Variants in THADA observed in about 807,000 individuals in gnomAD.
The protein encoded by THADA is THADA armadillo repeat containing.
Under a neutral mutation model 219.8 loss-of-function variants are expected in THADA, and 213 were observed. The ratio of observed to expected loss-of-function variants is 0.97; its 90% CI spans 0.87 to 1.09. THADA has a LOEUF of 1.09. Ranked by LOEUF, THADA falls within the 50% of genes least tolerant of loss-of-function variation. The pLI, the probability that THADA is intolerant of heterozygous loss-of-function variation, is 0.00. For synonymous variants in THADA, 1,018 were observed against 828.9 expected (o/e 1.23, Z -3.92); for missense variants, 2,956 against 2,311.3 (o/e 1.28, Z -5.72).
chr2:43,430,405 TTTAA>T (rs1679086630), intron 26 of THADA, 103 bp from the exon 27 acceptor site: 11 of 609,094 alleles, frequency 1.8e-5, no homozygotes, highest in Middle Eastern at 3.0e-4. Context: ...TGTTTGGATA[TTTAA>T]TTAAATACAG....
intron 9 of THADA, 72 bp from the exon 10 acceptor site, chr2:43,577,314 C>G: frequency 8.3e-7 from 1 of 1,198,340 alleles, no homozygotes; most frequent in East Asian, 2.6e-5. Context: ...AAATACAAAC[C>G]CAAACATCTC....
chr2:43,305,703 T>A (rs975435228), intron 31 of THADA, among the ~76,000 whole-genome samples: 11 of 152,178 alleles, frequency 7.2e-5, no homozygotes, highest in African/African-American at 2.7e-4. Context: ...AGGATCTGGG[T>A]AGGCTAAAGA....
chr2:43,505,760 A>G, intron 23 of THADA, 25 bp from the exon 24 acceptor site: 1 of 1,504,918 alleles, frequency 6.6e-7, no homozygotes, highest in Non-Finnish European at 9.1e-7. Context: ...TGCAAAAATT[A>G]ACAGGGTTCT....
At chr2:43,331,429 T>G (rs577175301) in intron 30 of THADA, among the ~76,000 whole-genome samples, 6 of 152,296 alleles carry the variant, frequency 3.9e-5, no homozygotes, top group African/African-American at 1.4e-4. Flanking sequence ...TGTAAAGCAT[T>G]TAGTGCATTT....
rs1559002553 is a variant in THADA at position 43,574,646 on chromosome 2, T to C, written c.1419A>G (p.Ile473Met). Reference protein sequence around the residue: ...ECIGVEHILAIDKTIPSQILE... With the variant: ...ECIGVEHILAMDKTIPSQILE... Reference sequence around the variant, plus strand: ...AGATTTGAGATGGAATAGTTTTATCTATAGCCAAAATATGTTCAACTCCTA... The same window carrying C: ...AGATTTGAGATGGAATAGTTTTATCCATAGCCAAAATATGTTCAACTCCTA... Residue 473 changes from isoleucine to methionine, a missense_variant, in exon 11 of 38, where the codon ATA becomes ATG. Ile to Met is a conservative substitution (Grantham distance 10). Transcript: ENST00000405975. 2.5e-6 allele frequency: 4 copies of C among 1,614,008 alleles called. No homozygotes were observed. Among genetic ancestry groups the C allele is most frequent in the East Asian group, 4.5e-5 (2 of 44,882 alleles).
In THADA at chr2:43,410,257, G is replaced by A. The variant is rs114611553; in HGVS notation, c.4059-12118C>T. 4.1e-3 allele frequency among the ~76,000 whole-genome samples: 630 copies of A among 152,262 alleles called. 7 individuals carry two copies. The highest frequency in any genetic ancestry group is 0.014 in the African/African-American group (601 of 41,536). ...GACTGAGCATACCAAGTGTTGGCTA[G>A]GATATGGAACAATTAGAATTCTCAT... On this transcript the variant is annotated intron_variant, in intron 28 of 37. Coordinates refer to ENST00000405975, the MANE Select transcript of THADA (RefSeq NM_022065.5).
chr2:43,248,150 TATATATATATATATAGAGAGAGAGAG>T (rs1415093003), intron 36 of THADA, among the ~76,000 whole-genome samples: 33 of 91,816 alleles, frequency 3.6e-4, no homozygotes, highest in African/African-American at 8.2e-4. Flanking sequence ...TATATATATA[TATATATATATATATAGAGAGAGAGAG>T]AGAGAGAGAG....
chr2:43,568,641 T>C (rs1698946264), intron 14 of THADA, among the ~76,000 whole-genome samples: 1 of 152,206 alleles, frequency 6.6e-6, no homozygotes, highest in Non-Finnish European at 1.5e-5. Flanking sequence ...ACAAATGTCA[T>C]TTTACCCCTT....
intron 26 of THADA, among the ~76,000 whole-genome samples, chr2:43,452,131 T>C (rs1025895494): frequency 1.3e-5 from 2 of 152,000 alleles, no homozygotes; most frequent in Non-Finnish European, 2.9e-5. Flanking sequence ...AAAAAAGAAA[T>C]TGCCCAACAA....
chr2:43,361,204 G>C (rs566288933), intron 29 of THADA, among the ~76,000 whole-genome samples: 2 of 152,082 alleles, frequency 1.3e-5, no homozygotes, highest in Non-Finnish European at 1.5e-5. Flanking sequence ...ATCATATCAC[G>C]GGCTTTGTAG....
intron 37 of THADA, 81 bp from the exon 38 acceptor site, chr2:43,231,424 A>G (rs766551333): frequency 1.2e-5 from 16 of 1,389,182 alleles, no homozygotes; most frequent in Non-Finnish European, 1.3e-5. Flanking sequence ...GTACCCTGCC[A>G]GATGCAAGAG....
rs757505254 is a variant in THADA at position 43,581,783 on chromosome 2, T to C, written c.679A>G (p.Met227Val). Residue 227 changes from methionine to valine, a missense_variant, in exon 8 of 38, where the codon ATG (methionine) becomes GTG (valine). Coordinates refer to ENST00000405975, the MANE Select transcript of THADA (RefSeq NM_022065.5). The stretch of plus-strand genomic sequence containing the variant: ...GTAAAAATACTCAGCAATCCACACA[T>C]ATTTTGCCATATGGGAGAATCGGAA... ...KTSDSPIWQN[M>V]CGLLSIFTKV... 6.2e-7 allele frequency: 1 copy of C among 1,612,570 alleles called. No individual in the cohort carries two copies. The highest frequency in any genetic ancestry group is 1.3e-5 in the African/African-American group (1 of 74,998).
intron 30 of THADA, chr2:43,343,773 C>G: frequency 5.8e-6 from 1 of 171,084 alleles, no homozygotes; most frequent in Non-Finnish European, 1.3e-5. Flanking sequence ...TGAGTTGCCA[C>G]GGCACCTAAG....
intron 26 of THADA, chr2:43,430,616 G>A (rs1420466552): frequency 2.1e-6 from 1 of 465,968 alleles, no homozygotes; most frequent in African/African-American, 2.0e-5. Context: ...AACTGATTTG[G>A]ACTATAAGTA....
chr2:43,548,347 C>T (rs1161482875), intron 20 of THADA, among the ~76,000 whole-genome samples: 10 of 152,298 alleles, frequency 6.6e-5, no homozygotes, highest in South Asian at 6.2e-4. Flanking sequence ...GCAGTCTGCC[C>T]GTTCTCAGAT....
chr2:43,485,510 A>T (rs759920888), intron 25 of THADA, among the ~76,000 whole-genome samples, 185 bp from the exon 26 acceptor site: 3 of 152,190 alleles, frequency 2.0e-5, no homozygotes, highest in Non-Finnish European at 4.4e-5. Context: ...AATGACTTCA[A>T]TTGAGCTCTA....
chr2:43,349,745 T>C (rs1416918674), intron 29 of THADA, among the ~76,000 whole-genome samples: 1 of 152,090 alleles, frequency 6.6e-6, no homozygotes, highest in Non-Finnish European at 1.5e-5. Flanking sequence ...ATGGGGGAAA[T>C]GTATCGTAAT....
intron 29 of THADA, among the ~76,000 whole-genome samples, chr2:43,358,585 C>A (rs1669137114): frequency 6.6e-6 from 1 of 152,148 alleles, no homozygotes; most frequent in South Asian, 2.1e-4. Context: ...TTGCATTTTC[C>A]AGATTTTAGA....
At chr2:43,292,021 A>T (rs1028339982) in intron 33 of THADA, 83 bp downstream of exon 33, 63 of 940,624 alleles carry the variant, frequency 6.7e-5, no homozygotes, top group Non-Finnish European at 9.2e-5. Flanking sequence ...ACCTGAGGGC[A>T]GGATTGTGTG....
Sources: gnomAD v4.1 joint callset for allele counts (sites outside exome capture counted in the v4.1 genomes callset) on GRCh38, gnomAD v4.1.1 for gene constraint, MANE v1.5 for transcripts, NCBI Gene and HGNC (gene_info 2026-07-23, HGNC 2026-07-21) for gene names.